Variants in LRP8 observed in about 807,000 individuals in gnomAD.
LRP8 encodes low-density lipoprotein receptor-related protein 8.
A neutral mutation model predicts 111.6 loss-of-function variants in LRP8; 46 were observed. That is an observed-to-expected ratio of 0.41 (90% CI 0.33 to 0.53). The LOEUF (loss-of-function observed/expected upper bound fraction) is 0.53, where lower values mean the gene tolerates loss of function less well. Among genes scored for constraint, LRP8 ranks in the 20% least tolerant of loss-of-function variants. The pLI is 0.20. For missense variants in LRP8, 959 were observed against 1,297.4 expected (o/e 0.74, Z 4.01); for synonymous variants, 464 against 511.2 (o/e 0.91, Z 1.24).
At position 53,326,811 on chromosome 1, in the gene LRP8, C is replaced by A; in HGVS notation, c.244+62G>T. 4.5e-6 allele frequency: 7 copies of A among 1,555,336 alleles called. No individual in the cohort carries two copies. In the South Asian group the frequency reaches 8.2e-5, roughly 18 times the overall value. On this transcript the variant is annotated intron_variant, in intron 2 of 18. Coordinates refer to ENST00000306052, the MANE Select transcript of LRP8 (RefSeq NM_004631.5). Reference sequence around the variant, plus strand: ...CGGCTGCAGCCACGTGCGCGCCAAGCATGGTGCCCCCCACCGTTCCTTTTC... The same window carrying A: ...CGGCTGCAGCCACGTGCGCGCCAAGAATGGTGCCCCCCACCGTTCCTTTTC...
At position 53,275,627 on chromosome 1, in the gene LRP8, G is replaced by T. The variant is rs372260326; in HGVS notation, c.1006+4C>A. 1.2e-6 allele frequency: 2 copies of T among 1,613,802 alleles called. No individual in the cohort carries two copies. The highest frequency in any genetic ancestry group is 3.3e-5 in the Admixed American group (2 of 60,008). On this transcript the variant is annotated splice_donor_region_variant and intron_variant, in intron 6 of 18. Coordinates refer to ENST00000306052, the MANE Select transcript of LRP8 (RefSeq NM_004631.5). This position sits in a 1 kb window ranked among gnomAD's most constrained non-coding sequence, Gnocchi z 4.4. The stretch of plus-strand genomic sequence containing the variant: ...GATGTGTTCTGTGCCCTGACCACAC[G>T]CACCCTGTAGGCAGCCAGCTTCATC...
intron 3 of LRP8, among the ~76,000 whole-genome samples, chr1:53,287,187 G>A (rs940960855): frequency 1.3e-5 from 2 of 152,332 alleles, no homozygotes; most frequent in East Asian, 1.9e-4. Context: ...TGGATAGCAG[G>A]TTGGCTGCTA....
intron 15 of LRP8, 105 bp downstream of exon 15, chr1:53,257,135 A>G: frequency 1.0e-6 from 1 of 1,003,650 alleles, no homozygotes; most frequent in Non-Finnish European, 1.5e-6. Context: ...CCTCAAAGAT[A>G]TGCAGTATTC....
chr1:53,298,392 T>C (rs1650159942), intron 2 of LRP8, among the ~76,000 whole-genome samples: 1 of 152,086 alleles, frequency 6.6e-6, no homozygotes, highest in Non-Finnish European at 1.5e-5. Flanking sequence ...CAGGATGGGA[T>C]CAGCAGGAGT....
At chr1:53,302,012 C>A (rs1222671677) in intron 2 of LRP8, among the ~76,000 whole-genome samples, 1 of 152,110 alleles carries the variant, frequency 6.6e-6, no homozygotes, top group African/African-American at 2.4e-5. Flanking sequence ...GGACACTGAC[C>A]TTGGTGGTCT....
intron 2 of LRP8, among the ~76,000 whole-genome samples, chr1:53,295,234 G>A (rs1482295187): frequency 2.0e-5 from 3 of 152,228 alleles, no homozygotes; most frequent in South Asian, 2.1e-4. Flanking sequence ...CAGCCAAGCT[G>A]TGGGAGTGAA....
Position 53,253,611 on chromosome 1 carries a change from T to G in LRP8, c.2503+1506A>C, listed in dbSNP as rs188523025. ...AGTGAGTTATGTCAGCAAAACAGCA[T>G]ATATCTGCCTCTTTCTATAGGGCAA... On this transcript the variant is annotated intron_variant, in intron 16 of 18. Coordinates refer to ENST00000306052, the MANE Select transcript of LRP8 (RefSeq NM_004631.5). Among the ~76,000 whole-genome samples, 494 of 152,302 alleles carry G rather than the reference T, an allele frequency of 3.2e-3. 3 individuals carry two copies. The highest frequency in any genetic ancestry group is 0.011 in the African/African-American group (476 of 41,572).
At position 53,303,690 on chromosome 1, in the gene LRP8, A is replaced by G. The variant is rs983630366; in HGVS notation, c.245-14001T>C. Among the ~76,000 whole-genome samples, 6 of 152,188 alleles carry G rather than the reference A, an allele frequency of 3.9e-5. No homozygotes were observed. Among genetic ancestry groups the G allele is most frequent in the Admixed American group, 1.3e-4 (2 of 15,278 alleles). ...AAATCTTAGACTCACAAACAGAACAAAACCCTAGAAGCTTCTAATCTAATC... is the reference window on the plus strand; with the variant it reads ...AAATCTTAGACTCACAAACAGAACAGAACCCTAGAAGCTTCTAATCTAATC... On this transcript the variant is annotated intron_variant, in intron 2 of 18. Coordinates refer to ENST00000306052, the MANE Select transcript of LRP8 (RefSeq NM_004631.5). The surrounding 1 kb of genome is among the most constrained non-coding windows in gnomAD (Gnocchi z 4.3).
chr1:53,327,265 C>T, intron 1 of LRP8: 1 of 477,642 alleles, frequency 2.1e-6, no homozygotes, highest in East Asian at 3.9e-5. Context: ...CACCCGCACA[C>T]GCGACCCATA....
intron 2 of LRP8, among the ~76,000 whole-genome samples, chr1:53,313,678 A>C (rs1439303147): frequency 6.6e-6 from 1 of 152,110 alleles, no homozygotes; most frequent in East Asian, 1.9e-4. Flanking sequence ...AAAGGGCCTG[A>C]GGCTTCTCTT....
At chr1:53,286,640 A>G (rs939932012) in intron 3 of LRP8, among the ~76,000 whole-genome samples, 3 of 152,262 alleles carry the variant, frequency 2.0e-5, no homozygotes, top group African/African-American at 7.2e-5. Context: ...TGATAGGTAC[A>G]GAACACAGAA....
chr1:53,298,717 G>C (rs979791088), intron 2 of LRP8, among the ~76,000 whole-genome samples: 2 of 152,180 alleles, frequency 1.3e-5, no homozygotes, highest in African/African-American at 4.8e-5. Flanking sequence ...GGCCTCCTCT[G>C]ACCAGGGCAC....
At chr1:53,318,004 C>A (rs1412457230) in intron 2 of LRP8, among the ~76,000 whole-genome samples, 1 of 152,194 alleles carries the variant, frequency 6.6e-6, no homozygotes, top group Non-Finnish European at 1.5e-5. Flanking sequence ...CAAGGACTGG[C>A]CAGCTCCAGC....
At chr1:53,261,067 G>T (rs183764885) in intron 12 of LRP8, among the ~76,000 whole-genome samples, 48 of 152,202 alleles carry the variant, frequency 3.2e-4, no homozygotes, top group Middle Eastern at 3.4e-3. Context: ...AAATCCACAC[G>T]TACAGGTACA....
chr1:53,271,471 C>T (rs1011073053), intron 6 of LRP8, 125 bp from the exon 7 acceptor site: 2 of 1,050,290 alleles, frequency 1.9e-6, no homozygotes, highest in African/African-American at 3.2e-5. Flanking sequence ...CAGGAGGGCT[C>T]CACAACCTCA....
Position 53,266,520 on chromosome 1 carries a change from G to A in LRP8, c.1380C>T (p.Ala460=). Residue 460 remains alanine, a synonymous_variant, in exon 9 of 19, where the codon GCC becomes GCT. Transcript: ENST00000306052. This position sits in a 1 kb window ranked among gnomAD's most constrained non-coding sequence, Gnocchi z 5.0. ...GGTCACACCAGTAGATGCGATTGGT[G>A]GCAACTTCCACATCTAGTGCCACGA... ...KNVVALDVEV[A]TNRIYWCDLS... 1 of 1,614,180 alleles carries A rather than the reference G, an allele frequency of 6.2e-7. No individual in the cohort carries two copies. Among genetic ancestry groups the A allele is most frequent in the Non-Finnish European group, 8.5e-7 (1 of 1,180,032 alleles).
intron 2 of LRP8, among the ~76,000 whole-genome samples, chr1:53,312,929 T>A (rs1365680232): frequency 6.6e-6 from 1 of 152,156 alleles, no homozygotes. Context: ...GCAAATGAAG[T>A]GGGCGTTTTC....
chr1:53,261,810 T>A (rs1646349990), intron 12 of LRP8, among the ~76,000 whole-genome samples: 1 of 152,170 alleles, frequency 6.6e-6, no homozygotes, highest in African/African-American at 2.4e-5. Context: ...AGAGGAAACA[T>A]ACATGCCTAG....
intron 12 of LRP8, among the ~76,000 whole-genome samples, chr1:53,261,494 G>A (rs1646338184): frequency 6.6e-6 from 1 of 152,202 alleles, no homozygotes; most frequent in African/African-American, 2.4e-5. Context: ...AAGAGGTGAA[G>A]GTGTGAGACC....
Sources: allele counts gnomAD v4.1 joint callset (sites outside exome capture counted in the v4.1 genomes callset), GRCh38; gene constraint gnomAD v4.1.1; non-coding constraint Gnocchi (gnomAD v3.1); transcripts MANE v1.5; gene names NCBI Gene and HGNC (gene_info 2026-07-23, HGNC 2026-07-21).